Variants in SHISA9 observed in about 807,000 individuals in gnomAD.
SHISA9 encodes the protein protein shisa-9.
A neutral mutation model predicts 38.0 loss-of-function variants in SHISA9; 13 were observed. The observed-to-expected ratio is 0.34, with a 90% CI of 0.22 to 0.54. The LOEUF is 0.54. Ranked by LOEUF, SHISA9 falls within the 20% of genes least tolerant of loss-of-function variation. The pLI is 0.91. For synonymous variants in SHISA9, 275 were observed against 242.0 expected, an observed-to-expected ratio of 1.14 and a Z score of -1.27; for missense variants, 538 against 575.8, an observed-to-expected ratio of 0.93 and a Z score of 0.67.
At chr16:13,469,425 A>AAGAAAGAAAG in the SHISA9 span, among the ~76,000 whole-genome samples, 15 of 117,386 alleles carry the variant, frequency 1.3e-4, no homozygotes, top group African/African-American at 4.1e-4. Context: ...AAGAAAGAAA[A>AAGAAAGAAAG]AGAAAGAAAG....
chr16:13,220,917 T>C (rs1386642711), intron 4 of SHISA9, among the ~76,000 whole-genome samples: 2 of 152,040 alleles, frequency 1.3e-5, no homozygotes, highest in Non-Finnish European at 2.9e-5. Flanking sequence ...AGGGGGCCCA[T>C]GGTACAGGCT....
At chr16:13,168,534 C>T (rs529670856) in intron 2 of SHISA9, among the ~76,000 whole-genome samples, 1 of 152,296 alleles carries the variant, frequency 6.6e-6, no homozygotes, top group Non-Finnish European at 1.5e-5. Context: ...TTAGGTGCCC[C>T]AGCTGTAGCA....
the SHISA9 span, among the ~76,000 whole-genome samples, chr16:13,354,421 G>T: frequency 6.6e-6 from 1 of 150,704 alleles, no homozygotes; most frequent in Non-Finnish European, 1.5e-5. Context: ...AGTCATGGGG[G>T]TCAGGTGTGG....
intron 2 of SHISA9, among the ~76,000 whole-genome samples, chr16:12,963,450 A>G (rs1250339238): frequency 6.6e-6 from 1 of 152,238 alleles, no homozygotes; most frequent in Admixed American, 6.5e-5. Context: ...GGTGGATGTC[A>G]TAAAAGTATG....
chr16:12,915,893 G>A (rs538320256), intron 1 of SHISA9, among the ~76,000 whole-genome samples: 4 of 152,014 alleles, frequency 2.6e-5, no homozygotes, highest in African/African-American at 9.6e-5. Flanking sequence ...AACACATGAT[G>A]GAGTGTAAAG....
the SHISA9 span, among the ~76,000 whole-genome samples, chr16:13,459,937 T>G: frequency 6.6e-6 from 1 of 152,174 alleles, no homozygotes; most frequent in Non-Finnish European, 1.5e-5. Context: ...ACAGGGACAC[T>G]CACACTGTCG....
At chr16:13,416,731 A>G in the SHISA9 span, among the ~76,000 whole-genome samples, 5 of 102,258 alleles carry the variant, frequency 4.9e-5, no homozygotes, top group South Asian at 2.0e-3. Context: ...AGAAAGGAAG[A>G]AAGAAAGAAA....
chr16:13,555,570 G>A, the SHISA9 span, among the ~76,000 whole-genome samples: 4 of 152,190 alleles, frequency 2.6e-5, no homozygotes, highest in South Asian at 2.1e-4. Context: ...TACAACAAGC[G>A]TGTCAGACAA....
At chr16:13,151,143 G>A (rs895766737) in intron 2 of SHISA9, among the ~76,000 whole-genome samples, 9 of 152,164 alleles carry the variant, frequency 5.9e-5, no homozygotes, top group Non-Finnish European at 1.0e-4. Flanking sequence ...GTCTTGCTCT[G>A]TCACCCAGGC....
At chr16:13,267,858 C>A in the SHISA9 span, among the ~76,000 whole-genome samples, 1 of 141,394 alleles carries the variant, frequency 7.1e-6, no homozygotes, top group Admixed American at 7.1e-5. Context: ...AGAGGGGGTT[C>A]TTTTCTTGTT....
intron 2 of SHISA9, among the ~76,000 whole-genome samples, chr16:13,033,618 A>C (rs1362962888): frequency 6.6e-6 from 1 of 152,186 alleles, no homozygotes; most frequent in Admixed American, 6.5e-5. Flanking sequence ...CAAGAGACTC[A>C]GGCATGGGGG....
chr16:13,481,576 T>C, the SHISA9 span, among the ~76,000 whole-genome samples: 304 of 152,338 alleles, frequency 2.0e-3, 3 homozygotes, highest in Admixed American at 3.3e-3. Context: ...TGACAGCTTA[T>C]GTGTCTCTGC....
At chr16:13,135,990 A>ATGGC (rs1447552169) in intron 2 of SHISA9, among the ~76,000 whole-genome samples, 1 of 152,202 alleles carries the variant, frequency 6.6e-6, no homozygotes, top group African/African-American at 2.4e-5. Context: ...TGGGCCAGGA[A>ATGGC]TAGCCCTTTA....
chr16:13,121,832 TACACACACAC>T (rs55727441), intron 2 of SHISA9, among the ~76,000 whole-genome samples: 7,500 of 134,866 alleles, frequency 0.056, 281 homozygotes, highest in African/African-American at 0.12. Flanking sequence ...TATACACACA[TACACACACAC>T]ACACACACAC....
the SHISA9 span, among the ~76,000 whole-genome samples, chr16:13,488,931 G>C: frequency 6.6e-6 from 1 of 151,766 alleles, no homozygotes; most frequent in Non-Finnish European, 1.5e-5. Flanking sequence ...CTGCCACCAC[G>C]CCTGGCTAAT....
At chr16:13,084,160 C>G (rs982223531) in intron 2 of SHISA9, among the ~76,000 whole-genome samples, 1 of 152,084 alleles carries the variant, frequency 6.6e-6, no homozygotes, top group Non-Finnish European at 1.5e-5. Flanking sequence ...ATTTTAAAAA[C>G]AAGGAACCTG....
chr16:12,903,172 A>C (rs1264825441), intron 1 of SHISA9, among the ~76,000 whole-genome samples: 14 of 152,162 alleles, frequency 9.2e-5, no homozygotes, highest in African/African-American at 3.1e-4. Context: ...GGGCGAGAAC[A>C]AAAGCCTTGC....
At chr16:13,016,180 A>G (rs1396890104) in intron 2 of SHISA9, among the ~76,000 whole-genome samples, 3 of 151,180 alleles carry the variant, frequency 2.0e-5, no homozygotes, top group African/African-American at 7.3e-5. Context: ...GAGTTTCACC[A>G]TGTTGGCCAG....
the SHISA9 span, among the ~76,000 whole-genome samples, chr16:13,409,648 A>C: frequency 6.6e-6 from 1 of 152,226 alleles, no homozygotes; most frequent in African/African-American, 2.4e-5. Context: ...GAATCACATA[A>C]ACTTATCTCA....
Sources: gnomAD v4.1 joint callset for allele counts (sites outside exome capture counted in the v4.1 genomes callset) on GRCh38, gnomAD v4.1.1 for gene constraint, MANE v1.5 for transcripts, NCBI Gene and HGNC (gene_info 2026-07-23, HGNC 2026-07-21) for gene names.